The following MYCBP2 variants were observed in gnomAD, a reference collection of about 807,000 sequenced individuals.
The protein encoded by MYCBP2 is E3 ubiquitin-protein ligase MYCBP2.
In MYCBP2, 120 loss-of-function variants were observed where a neutral mutation model predicts 525.3. That is an observed-to-expected ratio of 0.23 (90% confidence interval 0.20 to 0.27). MYCBP2 has a LOEUF of 0.27. Ranked by LOEUF, MYCBP2 falls within the 10% of genes least tolerant of loss-of-function variation. The probability of loss-of-function intolerance (pLI) is 1.00; values close to 1 mark genes in which losing one functional copy is unlikely to be tolerated. For missense variants in MYCBP2, 4,149 were observed against 5,657.1 expected, an observed-to-expected ratio of 0.73 and a Z score of 8.55; for synonymous variants, 1,894 against 1,955.8, an observed-to-expected ratio of 0.97 and a Z score of 0.83.
intron 5 of MYCBP2, 48 bp from the exon 6 acceptor site, chr13:77,270,586 C>T: frequency 6.6e-7 from 1 of 1,512,174 alleles, no homozygotes; most frequent in Non-Finnish European, 9.0e-7. Flanking sequence ...TTAAATGTTA[C>T]AAACACAGAA....
At chr13:77,143,850 C>T (rs2055082470) in intron 49 of MYCBP2, among the ~76,000 whole-genome samples, 1 of 152,112 alleles carries the variant, frequency 6.6e-6, no homozygotes, top group African/African-American at 2.4e-5. Flanking sequence ...GTAACTGTAA[C>T]ACAATGGTAA....
intron 55 of MYCBP2, among the ~76,000 whole-genome samples, chr13:77,101,428 T>C (rs1196817896): frequency 6.6e-6 from 1 of 152,094 alleles, no homozygotes; most frequent in Non-Finnish European, 1.5e-5. Context: ...GGAATGCATA[T>C]GAACTTACAA....
At chr13:77,300,940 G>T (rs2154369440) in intron 1 of MYCBP2, among the ~76,000 whole-genome samples, 1 of 152,252 alleles carries the variant, frequency 6.6e-6, no homozygotes, top group Admixed American at 6.5e-5. Context: ...GCATGAGTAA[G>T]GACTGAGCTT....
chr13:77,276,816 G>GTTTTTTTTTTTTTT lies in MYCBP2; in HGVS notation c.748+1928_748+1941dup, dbSNP rs397851660. On this transcript the variant is annotated intron_variant, in intron 4 of 82. Transcript: ENST00000544440. ...TGAGTAGCACTCATTTCCATGCCCA[G>GTTTTTTTTTTTTTT]TTTTTTTTTTTTTTTTTTTTTTTGG... 4.2e-4 allele frequency among the ~76,000 whole-genome samples: 32 copies of GTTTTTTTTTTTTTT among 76,222 alleles called. 2 individuals are homozygous for GTTTTTTTTTTTTTT. The highest frequency in any genetic ancestry group is 1.8e-3 in the African/African-American group (32 of 17,648). 50.0% of individuals were successfully genotyped at this position (76,222 alleles called of 152,430 possible). A position where few individuals can be genotyped will look rare whatever the true frequency, so the allele number is the denominator to read the frequency against.
At chr13:77,094,968 G>T (rs746155785) in intron 58 of MYCBP2, among the ~76,000 whole-genome samples, 3 of 152,156 alleles carry the variant, frequency 2.0e-5, no homozygotes, top group Non-Finnish European at 2.9e-5. Context: ...TAGGTGCCCA[G>T]TTGGTATTCA....
At chr13:77,220,056 G>C (rs2065332943) in intron 20 of MYCBP2, among the ~76,000 whole-genome samples, 1 of 152,066 alleles carries the variant, frequency 6.6e-6, no homozygotes, top group Non-Finnish European at 1.5e-5. Flanking sequence ...ATCTGCATAG[G>C]TATGGTGATT....
chr13:77,148,748 T>C (rs975841116), intron 47 of MYCBP2, among the ~76,000 whole-genome samples: 6 of 152,128 alleles, frequency 3.9e-5, no homozygotes, highest in Non-Finnish European at 7.4e-5. Context: ...ATCGGTGCTT[T>C]CTTTTAATCT....
chr13:77,074,009 C>A (rs972918906), intron 68 of MYCBP2, among the ~76,000 whole-genome samples: 1 of 140,856 alleles, frequency 7.1e-6, no homozygotes, highest in Non-Finnish European at 1.5e-5. Flanking sequence ...ACCGCCCCCC[C>A]CCCTTTTTTT....
intron 71 of MYCBP2, among the ~76,000 whole-genome samples, chr13:77,067,371 T>G (rs1442954023): frequency 6.6e-6 from 1 of 152,244 alleles, no homozygotes; most frequent in African/African-American, 2.4e-5. Context: ...CCAAATATTC[T>G]GACATCACAT....
intron 1 of MYCBP2, among the ~76,000 whole-genome samples, chr13:77,321,424 T>C (rs2154382775): frequency 6.6e-6 from 1 of 152,338 alleles, no homozygotes; most frequent in South Asian, 2.1e-4. Context: ...GATGTACACA[T>C]ACAGATTCAA....
At chr13:77,105,843 A>T (rs1411340933) in intron 55 of MYCBP2, among the ~76,000 whole-genome samples, 1 of 152,134 alleles carries the variant, frequency 6.6e-6, no homozygotes, top group Non-Finnish European at 1.5e-5. Flanking sequence ...TGCTTACTAT[A>T]GTTTGCCCTC....
chr13:77,191,937 C>A (rs912112532), intron 27 of MYCBP2, 124 bp from the exon 28 acceptor site: 3 of 936,162 alleles, frequency 3.2e-6, no homozygotes, highest in Non-Finnish European at 4.8e-6. Context: ...TCTTATCAAA[C>A]AACATTAAAA....
Position 77,076,847 on chromosome 13 carries a change from T to C in MYCBP2, c.11727A>G (p.Val3909=). Residue 3909 remains valine, a splice_region_variant and synonymous_variant, in exon 68 of 83, where the codon GTA becomes GTG. Transcript: ENST00000544440. ...CATCTCCAGAGATGAGCTTTCCAAATACCTGATGAAGATATGCATGTGAGA... is the reference window on the plus strand; with the variant it reads ...CATCTCCAGAGATGAGCTTTCCAAACACCTGATGAAGATATGCATGTGAGA... ...LRVFRLITSQ[V]FGKLISGDAE... is the part of the protein sequence containing the mutation. 1 of 1,607,280 alleles carries C rather than the reference T, an allele frequency of 6.2e-7. No individual in the cohort carries two copies. Among genetic ancestry groups the C allele is most frequent in the Non-Finnish European group, 8.5e-7 (1 of 1,174,648 alleles).
chr13:77,236,460 T>C (rs1391920157), intron 17 of MYCBP2, among the ~76,000 whole-genome samples: 1 of 152,144 alleles, frequency 6.6e-6, no homozygotes, highest in African/African-American at 2.4e-5. Flanking sequence ...TATCCTTTGA[T>C]CTAGTAACTG....
intron 1 of MYCBP2, among the ~76,000 whole-genome samples, chr13:77,317,932 G>T (rs1182591320): frequency 6.9e-6 from 1 of 143,968 alleles, no homozygotes; most frequent in East Asian, 2.1e-4. Context: ...GCAAGACTCC[G>T]TCTCAAAACA....
chr13:77,146,278 A>G, intron 47 of MYCBP2, 61 bp from the exon 48 acceptor site: 1 of 1,167,752 alleles, frequency 8.6e-7, no homozygotes, highest in Non-Finnish European at 1.2e-6. Flanking sequence ...CTCAATTAAC[A>G]GAGTAATATA....
chr13:77,064,903 T>C (rs2039956367), intron 72 of MYCBP2, among the ~76,000 whole-genome samples, 169 bp from the exon 73 acceptor site: 2 of 152,214 alleles, frequency 1.3e-5, no homozygotes, highest in African/African-American at 4.8e-5. Flanking sequence ...TTCGTGATCC[T>C]ATGGAAAATT....
In MYCBP2 at chr13:77,211,992, C is replaced by T. The variant is rs769177527; in HGVS notation, c.3226G>A (p.Ala1076Thr). The T allele has an allele frequency of 6.2e-7, 1 of 1,613,984 alleles. No individual in the cohort carries two copies. Among genetic ancestry groups the T allele is most frequent in the South Asian group, 1.1e-5 (1 of 91,070 alleles). ...DEALINSHVL[A>T]TSEIFASKHI... ...TTACTGGCAAAAATTTCTGATGTAGCAAGTACATGAGAATTAATAAGTGCT... is the reference window on the plus strand; with the variant it reads ...TTACTGGCAAAAATTTCTGATGTAGTAAGTACATGAGAATTAATAAGTGCT... The change falls in exon 22 of 83, where the codon GCT becomes ACT. Residue 1076 changes from alanine to threonine, a missense_variant. Physicochemically the swap from Ala to Thr is moderately conservative, Grantham distance 58. Around this residue, in one of 21 missense-constraint regions of MYCBP2, gnomAD observed 620 missense variants for 795.5 expected, o/e 0.78. Coordinates refer to ENST00000544440, the MANE Select transcript of MYCBP2 (RefSeq NM_015057.5).
Position 77,125,441 on chromosome 13 carries a change from G to A in MYCBP2, c.7912C>T (p.Gln2638Ter). ...EVTNSEGTWV[Q>*]LDQNSMVEFC... Reference sequence around the variant, plus strand: ...TCTACCATGCTGTTCTGATCCAGTTGCACCCATGTCCCTTCAGAATTGGTT... The same window carrying A: ...TCTACCATGCTGTTCTGATCCAGTTACACCCATGTCCCTTCAGAATTGGTT... The change falls in exon 54 of 83, where the codon CAA becomes TAA. Residue 2638 changes from glutamine (Q) to a stop codon, truncating the protein, a stop_gained. Transcript: ENST00000544440. LOFTEE classifies it high-confidence loss of function. 6.2e-7 allele frequency: 1 copy of A among 1,613,724 alleles called. No homozygotes were observed. Among genetic ancestry groups the A allele is most frequent in the Non-Finnish European group, 8.5e-7 (1 of 1,179,776 alleles).
Sources: gnomAD v4.1 joint callset for allele counts (sites outside exome capture counted in the v4.1 genomes callset) on GRCh38, gnomAD v4.1.1 for gene constraint, gnomAD v4.1.1 regional missense constraint, MANE v1.5 for transcripts, NCBI Gene and HGNC (gene_info 2026-07-23, HGNC 2026-07-21) for gene names.